Variants in RARS2 observed in about 807,000 individuals in gnomAD.
The protein encoded by RARS2 is probable arginine--tRNA ligase, mitochondrial.
A neutral mutation model predicts 88.5 loss-of-function variants in RARS2; 67 were observed. The observed-to-expected ratio is 0.76, with a 90% CI of 0.62 to 0.93. RARS2 has a LOEUF of 0.93. Among genes scored for constraint, RARS2 ranks in the 40% least tolerant of loss-of-function variants. The probability of loss-of-function intolerance (pLI) is 0.00; values close to 1 mark genes in which losing one functional copy is unlikely to be tolerated. For synonymous variants in RARS2, 239 were observed against 230.3 expected (o/e 1.04, Z -0.34); for missense variants, 664 against 684.2 (o/e 0.97, Z 0.33).
intron 5 of RARS2, among the ~76,000 whole-genome samples, chr6:87,549,371 A>T (rs910628017): frequency 1.3e-5 from 2 of 150,650 alleles, no homozygotes; most frequent in Non-Finnish European, 3.0e-5. Flanking sequence ...AAATAAAAAT[A>T]AAAAATAAAA....
intron 5 of RARS2, among the ~76,000 whole-genome samples, chr6:87,551,917 T>C (rs1784451961): frequency 6.6e-6 from 1 of 152,178 alleles, no homozygotes; most frequent in Non-Finnish European, 1.5e-5. Context: ...TAGGAGAGGC[T>C]GACTAGAGAG....
intron 6 of RARS2, among the ~76,000 whole-genome samples, chr6:87,546,606 C>A (rs1782692475): frequency 6.6e-6 from 1 of 152,178 alleles, no homozygotes; most frequent in Non-Finnish European, 1.5e-5. Context: ...GCAGAAGAGG[C>A]AGGAGCTCCC....
At chr6:87,552,086 A>C (rs190843111) in intron 5 of RARS2, among the ~76,000 whole-genome samples, 1 of 152,200 alleles carries the variant, frequency 6.6e-6, no homozygotes, top group African/African-American at 2.4e-5. Context: ...GGAGGCAGTA[A>C]AAGTTAAGTA....
intron 1 of RARS2, among the ~76,000 whole-genome samples, chr6:87,587,551 A>G (rs1184134243): frequency 6.6e-6 from 1 of 152,204 alleles, no homozygotes; most frequent in South Asian, 2.1e-4. Flanking sequence ...AGTATATAGG[A>G]AAGATCTAAT....
intron 4 of RARS2, among the ~76,000 whole-genome samples, chr6:87,555,765 T>C (rs775011450): frequency 6.7e-6 from 1 of 149,480 alleles, no homozygotes; most frequent in Non-Finnish European, 1.5e-5. Context: ...ACCAGTTATG[T>C]AGGTATTTTA....
At chr6:87,554,619 A>T (rs1464052214) in intron 5 of RARS2, among the ~76,000 whole-genome samples, 1 of 152,086 alleles carries the variant, frequency 6.6e-6, no homozygotes, top group Non-Finnish European at 1.5e-5. Context: ...ACCATGCACA[A>T]CTAATTTTTC....
chr6:87,527,029 G>T (rs985864595), intron 10 of RARS2, among the ~76,000 whole-genome samples: 1 of 151,802 alleles, frequency 6.6e-6, no homozygotes, highest in Non-Finnish European at 1.5e-5. Flanking sequence ...GGACAGTCTC[G>T]GCCAGGCACA....
At chr6:87,554,926 C>A (rs985207642) in intron 5 of RARS2, among the ~76,000 whole-genome samples, 7 of 151,924 alleles carry the variant, frequency 4.6e-5, no homozygotes, top group South Asian at 2.1e-4. Flanking sequence ...CACAGTGAAA[C>A]CCTGTCTCTA....
chr6:87,569,893 T>TAAAAAAAAAAAA (rs1181812503), intron 1 of RARS2, among the ~76,000 whole-genome samples: 1 of 136,808 alleles, frequency 7.3e-6, no homozygotes, highest in Non-Finnish European at 1.6e-5. Flanking sequence ...CTTCGTAAAT[T>TAAAAAAAAAAAA]AAAAAAAAAA....
At position 87,562,755 on chromosome 6, in the gene RARS2, T is replaced by A; in HGVS notation, c.244A>T (p.Ser82Cys). Reference protein sequence around the residue: ...LRCDTVVSEISTGQRTVNFKI... With the variant: ...LRCDTVVSEICTGQRTVNFKI... Reference sequence around the variant, plus strand: ...AAATTTACAGTCCTTTGACCAGTACTGATTTCACTCACCACTGTATCACAT... The same window carrying A: ...AAATTTACAGTCCTTTGACCAGTACAGATTTCACTCACCACTGTATCACAT... The change falls in exon 4 of 20, where the codon AGT becomes TGT. Residue 82 changes from serine (S) to cysteine (C), a missense_variant. Coordinates refer to ENST00000369536, the MANE Select transcript of RARS2 (RefSeq NM_020320.5). 1 of 1,613,756 alleles carries A rather than the reference T, an allele frequency of 6.2e-7. No homozygotes were observed. The highest frequency in any genetic ancestry group is 1.1e-5 in the South Asian group (1 of 91,078).
At chr6:87,526,914 G>C (rs758832900) in intron 10 of RARS2, among the ~76,000 whole-genome samples, 6 of 151,754 alleles carry the variant, frequency 4.0e-5, no homozygotes, top group African/African-American at 1.4e-4. Flanking sequence ...CAGGTGATCC[G>C]CCCACCTCAG....
chr6:87,527,748 C>CA (rs942065155), intron 10 of RARS2, among the ~76,000 whole-genome samples: 25 of 150,052 alleles, frequency 1.7e-4, no homozygotes, highest in South Asian at 6.3e-4. Flanking sequence ...CCACCACTAC[C>CA]AAAAAAAAAC....
chr6:87,548,637 A>T lies in RARS2; in HGVS notation c.405T>A (p.Asn135Lys). Residue 135 changes from asparagine (N) to lysine (K), a missense_variant, in exon 6 of 20, where the codon AAT becomes AAA. By Grantham distance (94) the Asn-to-Lys change is moderately conservative (BLOSUM62 0). Transcript: ENST00000369536. ...KKIVVEFSSP[N>K]VAKKFHVGHL... The stretch of plus-strand genomic sequence containing the variant: ...GTCCAACATGAAATTTTTTGGCAAC[A>T]TTAGGTGAACTGCAAAAAAAATGGG... 1 of 1,612,996 alleles carries T rather than the reference A, an allele frequency of 6.2e-7. No homozygotes were observed. Among genetic ancestry groups the T allele is most frequent in the Admixed American group, 1.7e-5 (1 of 59,964 alleles).
chr6:87,518,534 A>G, intron 16 of RARS2, 96 bp downstream of exon 16: 1 of 1,378,040 alleles, frequency 7.3e-7, no homozygotes, highest in South Asian at 1.2e-5. Flanking sequence ...AAGATATTGG[A>G]AAAGCCCAGA....
chr6:87,548,064 GA>G (rs1232548762), intron 6 of RARS2, among the ~76,000 whole-genome samples: 1 of 152,054 alleles, frequency 6.6e-6, no homozygotes, highest in African/African-American at 2.4e-5. Context: ...TTATTAAGTA[GA>G]AACCTTGTCT....
chr6:87,559,463 C>CAAAA (rs753856335), intron 4 of RARS2, among the ~76,000 whole-genome samples: 2 of 93,296 alleles, frequency 2.1e-5, no homozygotes, highest in African/African-American at 3.8e-5. Flanking sequence ...AACTCTGTCT[C>CAAAA]AAAAAAAAAA....
At chr6:87,519,490 G>C in intron 14 of RARS2, 93 bp downstream of exon 14, 3 of 1,382,084 alleles carry the variant, frequency 2.2e-6, no homozygotes, top group Non-Finnish European at 3.1e-6. Context: ...CTTCAATGGA[G>C]GGACAGACAT....
intron 10 of RARS2, among the ~76,000 whole-genome samples, chr6:87,529,061 G>C (rs1310538858): frequency 6.6e-6 from 1 of 151,854 alleles, no homozygotes; most frequent in Non-Finnish European, 1.5e-5. Flanking sequence ...TTCTAGGAGG[G>C]ATATGCTAAC....
At chr6:87,532,611 T>C (rs1013719725) in intron 8 of RARS2, among the ~76,000 whole-genome samples, 13 of 152,244 alleles carry the variant, frequency 8.5e-5, no homozygotes, top group Non-Finnish European at 1.3e-4. Context: ...CTGGAAAGCC[T>C]GGTTTCCTCT....
Sources: gnomAD v4.1 joint callset for allele counts (sites outside exome capture counted in the v4.1 genomes callset) on GRCh38, gnomAD v4.1.1 for gene constraint, MANE v1.5 for transcripts, NCBI Gene and HGNC (gene_info 2026-07-23, HGNC 2026-07-21) for gene names.